The following USP29 variants were observed in gnomAD, a reference collection of about 807,000 sequenced individuals.
USP29 encodes ubiquitin specific peptidase 29, also known as ubiquitin carboxyl-terminal hydrolase 29.
For synonymous variants in USP29, 386 were observed against 387.4 expected, an observed-to-expected ratio of 1.00 and a Z score of 0.04; for missense variants, 1,102 against 1,069.0, an observed-to-expected ratio of 1.03 and a Z score of -0.43.
intron 2 of USP29, 142 bp from the exon 3 acceptor site, chr19:57,123,897 G>A (rs763408257): frequency 2.6e-5 from 4 of 152,112 alleles, no homozygotes; most frequent in African/African-American, 9.7e-5. Context: ...TTAAATTAAC[G>A]TAAACGACTT....
rs1294166435 is a variant in USP29 at position 57,131,422 on chromosome 19, ACT to A, written c.2750_2751del (p.Ser917PhefsTer63). On this transcript the variant is annotated frameshift_variant, in exon 4 of 4. Transcript: ENST00000254181. LOFTEE classifies it high-confidence loss of function. Reference sequence around the variant, plus strand: ...ATCCCTCAGGGGGAATACGAAGGTGACTCTTTGTACAGACCTGCTTGACAGAC... The same window carrying A: ...ATCCCTCAGGGGGAATACGAAGGTGACTTTGTACAGACCTGCTTGACAGAC... The A allele has an allele frequency of 6.2e-7, 1 of 1,612,194 alleles. No individual in the cohort carries two copies. The highest frequency in any genetic ancestry group is 1.1e-5 in the South Asian group (1 of 90,808).
chr19:57,123,462 G>A (rs1374300635), intron 2 of USP29, among the ~76,000 whole-genome samples: 1 of 152,088 alleles, frequency 6.6e-6, no homozygotes, highest in Admixed American at 6.6e-5. Flanking sequence ...CTAAGAAGTC[G>A]CTATTATTGT....
Position 57,129,581 on chromosome 19 carries a change from G to A in USP29, c.906G>A (p.Ser302=), listed in dbSNP as rs763838531. 1.1e-5 allele frequency: 17 copies of A among 1,614,030 alleles called. No homozygotes were observed. The highest frequency in any genetic ancestry group is 1.7e-5 in the Admixed American group (1 of 59,990). The change falls in exon 4 of 4, where the codon TCG becomes TCA. Residue 302 remains serine (S), a synonymous_variant. Coordinates refer to ENST00000254181, the MANE Select transcript of USP29 (RefSeq NM_020903.3). ...NTCYMNAVLQ[S]LFAIPSFADD... ...GTTACATGAATGCAGTTTTACAATC[G>A]CTATTTGCAATTCCATCTTTTGCTG...
rs756776014 is a variant in USP29, at chr19:57,130,220, C to A, written c.1545C>A (p.Ser515Arg). ...TTATCATTCATCTGAAACGCTATAGCTTCAACAATGCTTGGTTGCTGGTGA... is the reference window on the plus strand; with the variant it reads ...TTATCATTCATCTGAAACGCTATAGATTCAACAATGCTTGGTTGCTGGTGA... The part of the protein sequence containing the change: ...RVLIIHLKRY[S>R]FNNAWLLVKN... The change falls in exon 4 of 4, where the codon AGC (serine) becomes AGA (arginine). Residue 515 changes from serine to arginine, a missense_variant. Physicochemically the swap from Ser to Arg is moderately radical, Grantham distance 110. Transcript: ENST00000254181. 6.2e-7 allele frequency: 1 copy of A among 1,613,992 alleles called. No individual in the cohort carries two copies. The highest frequency in any genetic ancestry group is 8.5e-7 in the Non-Finnish European group (1 of 1,180,020).
intron 3 of USP29, among the ~76,000 whole-genome samples, chr19:57,125,926 C>T (rs4292020): frequency 6.6e-6 from 1 of 151,916 alleles, no homozygotes; most frequent in South Asian, 2.1e-4. Context: ...ATATTTAGTG[C>T]TTCCTCCAGG....
In USP29 at chr19:57,130,074, T is replaced by C; in HGVS notation, c.1399T>C (p.Leu467=). ...NLHQETKPLP[L]SIQNSLDLFF... ...GCACCAAGAAACAAAACCACTTCCT[T>C]TGTCCATTCAGAATTCTTTAGATCT... The change falls in exon 4 of 4, where the codon TTG becomes CTG. Residue 467 remains leucine (L), a synonymous_variant. Coordinates refer to ENST00000254181, the MANE Select transcript of USP29 (RefSeq NM_020903.3). 1 of 1,613,626 alleles carries C rather than the reference T, an allele frequency of 6.2e-7. No homozygotes were observed. Among genetic ancestry groups the C allele is most frequent in the Non-Finnish European group, 8.5e-7 (1 of 1,179,848 alleles).
intron 2 of USP29, among the ~76,000 whole-genome samples, chr19:57,123,231 T>G (rs2086807067): frequency 6.6e-6 from 1 of 152,212 alleles, no homozygotes; most frequent in Admixed American, 6.5e-5. Context: ...TATGGTCACT[T>G]GCAGAATTAA....
At chr19:57,121,078 G>A (rs530313243) in intron 1 of USP29, among the ~76,000 whole-genome samples, 47 of 149,926 alleles carry the variant, frequency 3.1e-4, no homozygotes, top group African/African-American at 1.1e-3. Context: ...CTCGGTGACA[G>A]AGTGAGACTC....
rs1018166423 is a variant in USP29 at position 57,131,336 on chromosome 19, T to A, written c.2661T>A (p.Ile887=). The change falls in exon 4 of 4, where the codon ATT becomes ATA. Residue 887 remains isoleucine, a synonymous_variant. Transcript: ENST00000254181. ...GYIFFYMHNG[I]FEELLRKAEN... ...TCTTCTTTTACATGCACAATGGGAT[T>A]TTTGAGGAGCTGTTAAGAAAAGCAG... is the stretch of plus-strand genomic sequence containing the variant. The A allele has an allele frequency of 3.7e-6, 6 of 1,613,974 alleles. No homozygotes were observed. Among genetic ancestry groups the A allele is most frequent in the South Asian group, 3.3e-5 (3 of 91,068 alleles).
In USP29 at chr19:57,129,142, A is replaced by G. The variant is rs777050782; in HGVS notation, c.467A>G (p.His156Arg). Reference sequence around the variant, plus strand: ...TTGTTTATGTCAAAATCACCAACACATGTGAAAAAGGGGATATTAGAAAAT... The same window carrying G: ...TTGTTTATGTCAAAATCACCAACACGTGTGAAAAAGGGGATATTAGAAAAT... ...MPLFMSKSPT[H>R]VKKGILENQG... The change falls in exon 4 of 4, where the codon CAT becomes CGT. Residue 156 changes from histidine to arginine, a missense_variant. By Grantham distance (29) the His-to-Arg change is conservative. Transcript: ENST00000254181. 1 of 1,613,730 alleles carries G rather than the reference A, an allele frequency of 6.2e-7. No homozygotes were observed. Among genetic ancestry groups the G allele is most frequent in the Non-Finnish European group, 8.5e-7 (1 of 1,179,770 alleles).
chr19:57,131,417 A>G lies in USP29; in HGVS notation c.2742A>G (p.Glu914=). 6.2e-7 allele frequency: 1 copy of G among 1,613,288 alleles called. No homozygotes were observed. The highest frequency in any genetic ancestry group is 8.5e-7 in the Non-Finnish European group (1 of 1,179,688). The change falls in exon 4 of 4, where the codon GAA becomes GAG. Residue 914 remains glutamate, a synonymous_variant. Transcript: ENST00000254181. Reference sequence around the variant, plus strand: ...GGGTGATCCCTCAGGGGGAATACGAAGGTGACTCTTTGTACAGACCTGCTT... The same window carrying G: ...GGGTGATCCCTCAGGGGGAATACGAGGGTGACTCTTTGTACAGACCTGCTT... ...QAGVIPQGEY[E]GDSLYRPA is the part of the protein sequence containing the mutation.
rs907300679 is a variant in USP29, at chr19:57,128,705, C to T, written c.30C>T (p.Ile10=). MISLKVCGF[I]QIWSQKTGMT... ...TATCTCTAAAGGTATGTGGATTCAT[C>T]CAAATTTGGAGCCAGAAGACTGGGA... The change falls in exon 4 of 4, where the codon ATC becomes ATT. Residue 10 remains isoleucine (I), a synonymous_variant. Transcript: ENST00000254181. 8 of 1,600,922 alleles carry T rather than the reference C, an allele frequency of 5.0e-6. No individual in the cohort carries two copies. In the African/African-American group the frequency reaches 1.1e-4, roughly 22 times the overall value.
rs768450124 is a variant in USP29 at position 57,130,705 on chromosome 19, T to A, written c.2030T>A (p.Leu677His). 3 of 1,614,194 alleles carry A rather than the reference T, an allele frequency of 1.9e-6. No individual in the cohort carries two copies. The highest frequency in any genetic ancestry group is 2.2e-5 in the South Asian group (2 of 91,080). ...GKLISSPDTR[L>H]VEVHLQEVPQ... is the part of the protein sequence containing the mutation. ...CTGATCAGCAGCCCAGACACAAGGC[T>A]TGTCGAGGTTCATCTTCAAGAGGTG... The change falls in exon 4 of 4, where the codon CTT becomes CAT. Residue 677 changes from leucine (L) to histidine (H), a missense_variant. By Grantham distance (99) the Leu-to-His change is moderately conservative. Coordinates refer to ENST00000254181, the MANE Select transcript of USP29 (RefSeq NM_020903.3).
chr19:57,130,307 C>G lies in USP29; in HGVS notation c.1632C>G (p.Ser544Arg), dbSNP rs867785721. 6.2e-7 allele frequency: 1 copy of G among 1,614,054 alleles called. No individual in the cohort carries two copies. ...SLSLSSYCNE[S>R]TKPPLPLSSS... ...GTTTATCTTCTTATTGCAATGAAAG[C>G]ACCAAACCACCTCTTCCCTTGAGCA... is the stretch of plus-strand genomic sequence containing the variant. The change falls in exon 4 of 4, where the codon AGC (serine) becomes AGG (arginine). Residue 544 changes from serine to arginine, a missense_variant. Transcript: ENST00000254181.
chr19:57,120,788 CAAAAAAAAAA>C (rs71293954), intron 1 of USP29, among the ~76,000 whole-genome samples: 1 of 31,146 alleles, frequency 3.2e-5, no homozygotes, highest in Non-Finnish European at 5.8e-5. Context: ...GACTCCGTCT[CAAAAAAAAAA>C]AAAAAAAAAA....
At chr19:57,127,192 G>A (rs774888164) in intron 3 of USP29, among the ~76,000 whole-genome samples, 14 of 152,336 alleles carry the variant, frequency 9.2e-5, no homozygotes, top group African/African-American at 3.4e-4. Flanking sequence ...TGCATGAGGT[G>A]TCTCTCAACC....
intron 3 of USP29, among the ~76,000 whole-genome samples, chr19:57,124,871 T>C (rs1221427295): frequency 6.6e-6 from 1 of 152,166 alleles, no homozygotes; most frequent in East Asian, 1.9e-4. Flanking sequence ...GAGCATCATA[T>C]AGAGTGATGT....
chr19:57,126,479 C>T (rs565069202), intron 3 of USP29, among the ~76,000 whole-genome samples: 60 of 152,088 alleles, frequency 3.9e-4, no homozygotes, highest in African/African-American at 1.3e-3. Context: ...TTTCTCTAAT[C>T]TTGTCTTCAC....
chr19:57,120,915 G>A (rs1041150152), intron 1 of USP29, among the ~76,000 whole-genome samples: 4 of 149,554 alleles, frequency 2.7e-5, no homozygotes, highest in African/African-American at 9.8e-5. Context: ...GCAACATAGC[G>A]AAACCCCGTC....
Sources: gnomAD v4.1 joint callset for allele counts (sites outside exome capture counted in the v4.1 genomes callset) on GRCh38, gnomAD v4.1.1 for gene constraint, MANE v1.5 for transcripts, NCBI Gene and HGNC (gene_info 2026-07-23, HGNC 2026-07-21) for gene names.